Variants in PDGFRA observed in about 807,000 individuals in gnomAD.
PDGFRA encodes the protein platelet derived growth factor receptor alpha, also known as platelet-derived growth factor receptor alpha.
Under a neutral mutation model 121.5 loss-of-function variants are expected in PDGFRA, and 25 were observed. That is an observed-to-expected ratio of 0.21 (90% CI 0.15 to 0.29). The LOEUF (loss-of-function observed/expected upper bound fraction) is 0.29, where lower values mean the gene tolerates loss of function less well. Among genes scored for constraint, PDGFRA ranks in the 10% least tolerant of loss-of-function variants. The pLI is 1.00. For missense variants in PDGFRA, 1,008 were observed against 1,345.1 expected, an observed-to-expected ratio of 0.75 and a Z score of 3.92; for synonymous variants, 463 against 494.8, an observed-to-expected ratio of 0.94 and a Z score of 0.85.
chr4:54,261,212 G>T lies in PDGFRA; in HGVS notation c.167G>T (p.Ser56Ile). ...SLRCFGESEV[S>I]WQYPMSEEES... ...AGATGCTTTGGGGAGAGTGAAGTGA[G>T]CTGGCAGTACCCCATGTCTGAAGAA... Residue 56 changes from serine (S) to isoleucine (I), a missense_variant, in exon 3 of 23, where the codon AGC becomes ATC. Physicochemically the swap from Ser to Ile is moderately radical, Grantham distance 142. Around this residue, in one of 5 missense-constraint regions of PDGFRA, gnomAD observed 575 missense variants for 701.8 expected, o/e 0.82. Transcript: ENST00000257290. The T allele has an allele frequency of 6.2e-7, 1 of 1,614,174 alleles. No homozygotes were observed. Among genetic ancestry groups the T allele is most frequent in the South Asian group, 1.1e-5 (1 of 91,082 alleles).
Position 54,291,659 on chromosome 4 carries a change from G to GA in PDGFRA, c.3122+1107dup, listed in dbSNP as rs112057273. 1.0e-2 allele frequency among the ~76,000 whole-genome samples: 1,512 copies of GA among 151,628 alleles called. 30 individuals are homozygous for GA. Among genetic ancestry groups the GA allele is most frequent in the African/African-American group, 0.035 (1,436 of 41,322 alleles). The stretch of plus-strand genomic sequence containing the variant: ...GCTGGTGAGGTTGTGGAGAAAAGGG[G>GA]AAGCGTATACACTGCTTGTTGAAGT... On this transcript the variant is annotated intron_variant, in intron 22 of 22. Transcript: ENST00000257290.
chr4:54,246,384 A>G (rs1171795914), intron 1 of PDGFRA, among the ~76,000 whole-genome samples: 5 of 152,354 alleles, frequency 3.3e-5, no homozygotes, highest in Non-Finnish European at 4.4e-5. Context: ...ACCACAGTGC[A>G]ATCAAACCAG....
chr4:54,258,031 T>G (rs1722468838), intron 1 of PDGFRA, among the ~76,000 whole-genome samples: 1 of 152,208 alleles, frequency 6.6e-6, no homozygotes, highest in South Asian at 2.1e-4. Flanking sequence ...ATCAGCCTCC[T>G]TCTAATTTCA....
intron 1 of PDGFRA, among the ~76,000 whole-genome samples, chr4:54,252,913 A>G (rs1428800244): frequency 6.6e-6 from 1 of 151,214 alleles, no homozygotes; most frequent in Non-Finnish European, 1.5e-5. Flanking sequence ...CTTTGGTTAT[A>G]GAGTCATGTC....
At position 54,295,160 on chromosome 4, in the gene PDGFRA, G is replaced by C; in HGVS notation, c.3158G>C (p.Gly1053Ala). ...TCTGAAGAGAGTGCCATTGAGACGG[G>C]TTCCAGCAGTTCCACCTTCATCAAG... ...QTSEESAIET[G>A]SSSSTFIKRE... is the part of the protein sequence containing the mutation. The change falls in exon 23 of 23, where the codon GGT (glycine) becomes GCT (alanine). Residue 1053 changes from glycine to alanine, a missense_variant. By Grantham distance (60) the Gly-to-Ala change is moderately conservative. This residue lies in a region of PDGFRA where 204 missense variants were observed against 243.0 expected (regional missense o/e 0.84). Transcript: ENST00000257290. 2 of 1,614,076 alleles carry C rather than the reference G, an allele frequency of 1.2e-6. No individual in the cohort carries two copies. The highest frequency in any genetic ancestry group is 8.5e-7 in the Non-Finnish European group (1 of 1,179,974).
At chr4:54,253,865 A>G (rs1327125194) in intron 1 of PDGFRA, among the ~76,000 whole-genome samples, 1 of 151,852 alleles carries the variant, frequency 6.6e-6, no homozygotes, top group Non-Finnish European at 1.5e-5. Context: ...TTTTATTTTT[A>G]GTAGAGGTGG....
At chr4:54,246,325 C>G (rs1448301376) in intron 1 of PDGFRA, among the ~76,000 whole-genome samples, 1 of 152,174 alleles carries the variant, frequency 6.6e-6, no homozygotes, top group African/African-American at 2.4e-5. Context: ...AAGTAAAGCA[C>G]TCCTCAGCAA....
Position 54,239,960 on chromosome 4 carries a change from T to A in PDGFRA, c.-13+10545T>A, listed in dbSNP as rs188341050. 985 of 260,562 alleles carry A rather than the reference T, an allele frequency of 3.8e-3. 9 individuals carry two copies. The highest frequency in any genetic ancestry group is 0.02 in the African/African-American group (903 of 44,294). 16.1% of individuals were successfully genotyped at this position (260,562 alleles called of 1,614,324 possible). On this transcript the variant is annotated intron_variant, in intron 1 of 22. Transcript: ENST00000257290. The stretch of plus-strand genomic sequence containing the variant: ...GGACCTCACTGGCTCAAGTGATCCT[T>A]CCACCTCAGCCTCCTGAGTAGCTGG...
In PDGFRA at chr4:54,263,841, C is replaced by A. The variant is rs746299618; in HGVS notation, c.542C>A (p.Thr181Asn). ...SYDSRQGFNG[T>N]FTVGPYICEA... Reference sequence around the variant, plus strand: ...GACAGCAGACAGGGCTTTAATGGGACCTTCACTGTAGGGCCCTATATCTGT... The same window carrying A: ...GACAGCAGACAGGGCTTTAATGGGAACTTCACTGTAGGGCCCTATATCTGT... The change falls in exon 4 of 23, where the codon ACC becomes AAC. Residue 181 changes from threonine to asparagine, a missense_variant. Physicochemically the swap from Thr to Asn is moderately conservative, Grantham distance 65. Transcript: ENST00000257290. 1 of 1,613,882 alleles carries A rather than the reference C, an allele frequency of 6.2e-7. No homozygotes were observed. The highest frequency in any genetic ancestry group is 1.1e-5 in the South Asian group (1 of 91,070).
At chr4:54,293,852 G>GGACAGAGGTA (rs1238388285) in intron 22 of PDGFRA, among the ~76,000 whole-genome samples, 1 of 151,250 alleles carries the variant, frequency 6.6e-6, no homozygotes, top group Non-Finnish European at 1.5e-5. Flanking sequence ...CATGGCCCTT[G>GGACAGAGGTA]GACAGAGGTA....
intron 2 of PDGFRA, among the ~76,000 whole-genome samples, chr4:54,260,725 A>G (rs1015442766): frequency 1.3e-5 from 2 of 152,004 alleles, no homozygotes; most frequent in Admixed American, 1.3e-4. Flanking sequence ...CATTTTAACT[A>G]AAGGAAACCT....
In PDGFRA at chr4:54,271,633, TC is replaced by T. The variant is rs1344221948; in HGVS notation, c.1238-758del. Among the ~76,000 whole-genome samples, 3 of 147,602 alleles carry T rather than the reference TC, an allele frequency of 2.0e-5. No homozygotes were observed. In the East Asian group the frequency reaches 6.4e-4, roughly 32 times the overall value. Reference sequence around the variant, plus strand: ...TTCCTTTCTCTCCTTCCTTCCCTCTTCCCTTTTTCCTTTCTCTCCTTCCTTC... The same window carrying T: ...TTCCTTTCTCTCCTTCCTTCCCTCTTCCTTTTTCCTTTCTCTCCTTCCTTC... On this transcript the variant is annotated intron_variant, in intron 8 of 22. Coordinates refer to ENST00000257290, the MANE Select transcript of PDGFRA (RefSeq NM_006206.6).
At chr4:54,271,831 T>C (rs1370213372) in intron 8 of PDGFRA, among the ~76,000 whole-genome samples, 1 of 146,000 alleles carries the variant, frequency 6.8e-6, no homozygotes, top group Non-Finnish European at 1.5e-5. Context: ...CCTTCCTTCC[T>C]TCCTTTTCCT....
intron 3 of PDGFRA, among the ~76,000 whole-genome samples, chr4:54,263,036 T>C (rs1722840104): frequency 3.9e-5 from 6 of 152,204 alleles, no homozygotes. Context: ...TAGCTGTTTT[T>C]CTTTTGGAAA....
rs906910140 is a variant in PDGFRA, at chr4:54,290,474, T to C, written c.3042T>C (p.Ala1014=). 4.3e-6 allele frequency: 7 copies of C among 1,613,740 alleles called. No individual in the cohort carries two copies. The highest frequency in any genetic ancestry group is 5.9e-6 in the Non-Finnish European group (7 of 1,179,604). The change falls in exon 22 of 23, where the codon GCT becomes GCC. Residue 1014 remains alanine (A), a synonymous_variant. Transcript: ENST00000257290. ...EGGLDEQRLS[A]DSGYIIPLPD... is the part of the protein sequence containing the mutation. ...GTCTGGATGAGCAGAGACTGAGCGCTGACAGTGGCTACATCATTCCTCTGC... is the reference window on the plus strand; with the variant it reads ...GTCTGGATGAGCAGAGACTGAGCGCCGACAGTGGCTACATCATTCCTCTGC...
rs977265260 is a variant in PDGFRA, at chr4:54,282,858, G to A, written c.2323+2376G>A. 2.6e-5 allele frequency among the ~76,000 whole-genome samples: 4 copies of A among 152,190 alleles called. No individual in the cohort carries two copies. The South Asian group carries it at 8.3e-4, about 31-fold the overall frequency. On this transcript the variant is annotated intron_variant, in intron 16 of 22. Coordinates refer to ENST00000257290, the MANE Select transcript of PDGFRA (RefSeq NM_006206.6). ...TGGGTCAACATTCCCATTCCCAAAGGGAGAAATCGGCCAAAAGAAAGGGGC... is the reference window on the plus strand; with the variant it reads ...TGGGTCAACATTCCCATTCCCAAAGAGAGAAATCGGCCAAAAGAAAGGGGC...
At position 54,296,193 on chromosome 4, in the gene PDGFRA, A is replaced by T; in HGVS notation, c.*921A>T. On this transcript the variant is annotated 3_prime_UTR_variant, in exon 23 of 23. Transcript: ENST00000257290. The stretch of plus-strand genomic sequence containing the variant: ...CTGTACTGAATAGGTTCCCCAATCC[A>T]TCGTATTAAAAAACAATTAACTGCC... 1 of 233,068 alleles carries T rather than the reference A, an allele frequency of 4.3e-6. No individual in the cohort carries two copies. Among genetic ancestry groups the T allele is most frequent in the East Asian group, 6.1e-5 (1 of 16,466 alleles). 14.4% of individuals were successfully genotyped at this position (233,068 alleles called of 1,614,324 possible). A position where few individuals can be genotyped will look rare whatever the true frequency, so the allele number is the denominator to read the frequency against.
rs778015444 is a variant in PDGFRA at position 54,274,917 on chromosome 4, C to T, written c.1730C>T (p.Pro577Leu). Reference protein sequence around the residue: ...PDGHEYIYVDPMQLPYDSRWE... With the variant: ...PDGHEYIYVDLMQLPYDSRWE... ...GGACATGAATATATTTATGTGGACCCGATGCAGCTGCCTTATGACTCAAGA... is the reference window on the plus strand; with the variant it reads ...GGACATGAATATATTTATGTGGACCTGATGCAGCTGCCTTATGACTCAAGA... Residue 577 changes from proline (P) to leucine (L), a missense_variant, in exon 12 of 23, where the codon CCG becomes CTG. Physicochemically the swap from Pro to Leu is moderately conservative, Grantham distance 98. Transcript: ENST00000257290. 10 of 1,613,856 alleles carry T rather than the reference C, an allele frequency of 6.2e-6. No individual in the cohort carries two copies. Among genetic ancestry groups the T allele is most frequent in the African/African-American group, 2.7e-5 (2 of 74,880 alleles).
At chr4:54,259,903 T>A (rs925961035) in intron 2 of PDGFRA, among the ~76,000 whole-genome samples, 4 of 152,194 alleles carry the variant, frequency 2.6e-5, no homozygotes, top group African/African-American at 4.8e-5. Flanking sequence ...TTTCTTGTTT[T>A]CTAAGTTCTG....
Sources: allele counts gnomAD v4.1 joint callset (sites outside exome capture counted in the v4.1 genomes callset), GRCh38; gene constraint gnomAD v4.1.1; regional missense constraint gnomAD v4.1.1; transcripts MANE v1.5; gene names NCBI Gene and HGNC (gene_info 2026-07-23, HGNC 2026-07-21).